MACROD2: variants seen among roughly 807,000 people sequenced by gnomAD.
MACROD2 encodes mono-ADP ribosylhydrolase 2.
Under a neutral mutation model 70.4 loss-of-function variants are expected in MACROD2, and 36 were observed. That is an observed-to-expected ratio of 0.51 (90% CI 0.39 to 0.68). MACROD2 has a LOEUF of 0.68. Among genes scored for constraint, MACROD2 ranks in the 30% least tolerant of loss-of-function variants. MACROD2 has a pLI of 0.00. For missense variants in MACROD2, 496 were observed against 538.4 expected, an observed-to-expected ratio of 0.92 and a Z score of 0.78; for synonymous variants, 172 against 178.8, an observed-to-expected ratio of 0.96 and a Z score of 0.30.
At chr20:14,110,069 A>G (rs1323785773) in intron 3 of MACROD2, among the ~76,000 whole-genome samples, 1 of 152,034 alleles carries the variant, frequency 6.6e-6, no homozygotes, top group African/African-American at 2.4e-5. Flanking sequence ...AGGATGGTTC[A>G]ACACATGCAA....
At chr20:14,824,378 T>C (rs900255055) in intron 5 of MACROD2, among the ~76,000 whole-genome samples, 6 of 152,032 alleles carry the variant, frequency 3.9e-5, no homozygotes, top group African/African-American at 1.4e-4. Flanking sequence ...CAAAATATAG[T>C]GGCCTGAAAC....
At chr20:14,967,601 C>A (rs1337705434) in intron 5 of MACROD2, among the ~76,000 whole-genome samples, 1 of 152,092 alleles carries the variant, frequency 6.6e-6, no homozygotes, top group African/African-American at 2.4e-5. Context: ...TTTTGATGAA[C>A]AGAAACTCTA....
chr20:13,999,922 G>A (rs1489332846), intron 1 of MACROD2, among the ~76,000 whole-genome samples: 1 of 152,154 alleles, frequency 6.6e-6, no homozygotes, highest in Non-Finnish European at 1.5e-5. Context: ...GCTGAGGCAG[G>A]AGAATCGCTT....
Position 14,766,904 on chromosome 20 carries a change from C to A in MACROD2, c.418+81945C>A, listed in dbSNP as rs185486664. On this transcript the variant is annotated intron_variant, in intron 5 of 17. Coordinates refer to ENST00000684519, the MANE Select transcript of MACROD2 (RefSeq NM_001351661.2). ...TTGGCTTAAACAATTCTGATTATATCAGTTTAACTGGACTATAAATGATAC... is the reference window on the plus strand; with the variant it reads ...TTGGCTTAAACAATTCTGATTATATAAGTTTAACTGGACTATAAATGATAC... Among the ~76,000 whole-genome samples the A allele has an allele frequency of 1.6e-3, 249 of 152,224 alleles. 2 individuals carry two copies. Among genetic ancestry groups the A allele is most frequent in the African/African-American group, 5.6e-3 (232 of 41,508 alleles).
intron 4 of MACROD2, among the ~76,000 whole-genome samples, chr20:14,675,047 A>G (rs899111786): frequency 1.3e-5 from 2 of 152,128 alleles, no homozygotes; most frequent in African/African-American, 4.8e-5. Context: ...TTGTAAGACA[A>G]GAAGGAGACA....
In MACROD2 at chr20:14,037,909, G is replaced by T. The variant is rs1330008575; in HGVS notation, c.163+35505G>T. On this transcript the variant is annotated intron_variant, in intron 2 of 17. Coordinates refer to ENST00000684519, the MANE Select transcript of MACROD2 (RefSeq NM_001351661.2). ...GCGAGCCTGTAGCCTCGGCTACTCA[G>T]GAGGTTGAGGTGGGCGGATTGAGGC... is the stretch of plus-strand genomic sequence containing the variant. 2.0e-5 allele frequency among the ~76,000 whole-genome samples: 3 copies of T among 152,114 alleles called. 1 individual carries two copies. Among genetic ancestry groups the T allele is most frequent in the Admixed American group, 2.0e-4 (3 of 15,268 alleles).
Position 15,841,200 on chromosome 20 carries a change from G to T in MACROD2, c.646-21545G>T, listed in dbSNP as rs1179431675. 3.3e-5 allele frequency among the ~76,000 whole-genome samples: 5 copies of T among 152,064 alleles called. No individual in the cohort carries two copies. In the East Asian group the frequency reaches 7.7e-4, roughly 23 times the overall value. On this transcript the variant is annotated intron_variant, in intron 8 of 17. Coordinates refer to ENST00000684519, the MANE Select transcript of MACROD2 (RefSeq NM_001351661.2). ...GAGCTAAGCAAAGGGAAAACAGAAG[G>T]GATGTTAAGGCAGAGAATGATCAAG...
intron 5 of MACROD2, among the ~76,000 whole-genome samples, chr20:14,710,874 T>C (rs1467181114): frequency 1.3e-5 from 2 of 152,152 alleles, no homozygotes; most frequent in East Asian, 3.8e-4. Flanking sequence ...CACCTCCACA[T>C]CTAAGTATAC....
At chr20:15,519,277 AT>A (rs536621952) in intron 8 of MACROD2, among the ~76,000 whole-genome samples, 2 of 151,740 alleles carry the variant, frequency 1.3e-5, no homozygotes, top group East Asian at 1.9e-4. Flanking sequence ...CACCCGGCTA[AT>A]TTTTTTTGTT....
At chr20:14,788,917 C>T (rs1168272749) in intron 5 of MACROD2, among the ~76,000 whole-genome samples, 2 of 151,564 alleles carry the variant, frequency 1.3e-5, no homozygotes, top group African/African-American at 2.4e-5. Context: ...TACAGGCACT[C>T]ACCACGATGC....
chr20:15,712,071 G>T (rs2050636991), intron 8 of MACROD2, among the ~76,000 whole-genome samples: 2 of 152,180 alleles, frequency 1.3e-5, no homozygotes, highest in Admixed American at 6.5e-5. Context: ...GAATACACCA[G>T]TCCTATTCTT....
intron 4 of MACROD2, among the ~76,000 whole-genome samples, chr20:14,524,881 C>T (rs1252664166): frequency 6.6e-6 from 1 of 152,160 alleles, no homozygotes. Flanking sequence ...CATACTGTCT[C>T]TGTATTGCTT....
chr20:15,801,047 A>C (rs926091734), intron 8 of MACROD2, among the ~76,000 whole-genome samples: 1 of 150,248 alleles, frequency 6.7e-6, no homozygotes, highest in Non-Finnish European at 1.5e-5. Context: ...GGACACAAAC[A>C]CTGCGGAAGT....
At chr20:14,734,897 A>G (rs1249448989) in intron 5 of MACROD2, among the ~76,000 whole-genome samples, 6 of 152,076 alleles carry the variant, frequency 3.9e-5, no homozygotes, top group Admixed American at 2.0e-4. Context: ...AAAGAATAAT[A>G]TCTTCAACAA....
chr20:14,112,116 A>G (rs1281238485), intron 3 of MACROD2, among the ~76,000 whole-genome samples: 4 of 152,078 alleles, frequency 2.6e-5, no homozygotes, highest in African/African-American at 9.7e-5. Context: ...AGGGACAGAA[A>G]GACAAACTTC....
intron 3 of MACROD2, among the ~76,000 whole-genome samples, chr20:14,121,104 CTTAAG>C (rs1204619216): frequency 2.6e-5 from 4 of 151,920 alleles, no homozygotes; most frequent in South Asian, 2.1e-4. Context: ...TTTCTATTAG[CTTAAG>C]TTAAGCATTG....
intron 5 of MACROD2, among the ~76,000 whole-genome samples, chr20:14,715,573 C>G (rs562973787): frequency 6.6e-6 from 1 of 152,168 alleles, no homozygotes; most frequent in Non-Finnish European, 1.5e-5. Flanking sequence ...TGCAGGCAAA[C>G]GTCCTGTTGG....
At chr20:14,588,272 T>G (rs1981521194) in intron 4 of MACROD2, among the ~76,000 whole-genome samples, 1 of 152,164 alleles carries the variant, frequency 6.6e-6, no homozygotes, top group African/African-American at 2.4e-5. Flanking sequence ...AATCGTTCAT[T>G]TAATTTAAAT....
At position 14,528,315 on chromosome 20, in the gene MACROD2, G is replaced by T. The variant is rs1337671906; in HGVS notation, c.301+34807G>T. ...CTTTTTTTTTTTTAGTAGAGACAGG[G>T]TTTCTGTTTTTTTTTTTTTCAGTAG... On this transcript the variant is annotated intron_variant, in intron 4 of 17. Coordinates refer to ENST00000684519, the MANE Select transcript of MACROD2 (RefSeq NM_001351661.2). Among the ~76,000 whole-genome samples the T allele has an allele frequency of 4.0e-4, 55 of 137,252 alleles. 4 individuals are homozygous for T. The East Asian group carries it at 5.4e-3, about 13-fold the overall frequency. 90.0% of individuals were successfully genotyped at this position (137,252 alleles called of 152,430 possible). A position where few individuals can be genotyped will look rare whatever the true frequency, so the allele number is the denominator to read the frequency against.
Sources: gnomAD v4.1 joint callset for allele counts (sites outside exome capture counted in the v4.1 genomes callset) on GRCh38, gnomAD v4.1.1 for gene constraint, MANE v1.5 for transcripts, NCBI Gene and HGNC (gene_info 2026-07-23, HGNC 2026-07-21) for gene names.